Variants in CTIF observed in about 807,000 individuals in gnomAD.
The protein encoded by CTIF is CBP80/20-dependent translation initiation factor.
A neutral mutation model predicts 66.0 loss-of-function variants in CTIF; 21 were observed. The ratio of observed to expected loss-of-function variants is 0.32; its 90% CI spans 0.23 to 0.46. CTIF has a LOEUF of 0.46. Among genes scored for constraint, CTIF ranks in the 20% least tolerant of loss-of-function variants. CTIF has a pLI of 1.00. For missense variants in CTIF, 739 were observed against 812.7 expected, an observed-to-expected ratio of 0.91 and a Z score of 1.10; for synonymous variants, 345 against 326.4, an observed-to-expected ratio of 1.06 and a Z score of -0.62.
intron 10 of CTIF, among the ~76,000 whole-genome samples, chr18:48,823,891 A>G (rs2068531342): frequency 6.6e-6 from 1 of 152,146 alleles, no homozygotes; most frequent in African/African-American, 2.4e-5. Flanking sequence ...AAAGGAAATA[A>G]AAAGCATCCA....
intron 7 of CTIF, among the ~76,000 whole-genome samples, chr18:48,715,916 G>A (rs1794522084): frequency 1.3e-5 from 2 of 152,334 alleles, no homozygotes; most frequent in Middle Eastern, 3.4e-3. Context: ...GCTGTCCCAA[G>A]ATGGGGTAAA....
chr18:48,830,071 G>A (rs755668416), intron 10 of CTIF, among the ~76,000 whole-genome samples: 3 of 152,226 alleles, frequency 2.0e-5, no homozygotes, highest in Non-Finnish European at 4.4e-5. Flanking sequence ...GGAAGAGGAG[G>A]GGAATGCTAG....
chr18:48,668,258 G>A (rs1294228773), intron 5 of CTIF, among the ~76,000 whole-genome samples: 2 of 152,244 alleles, frequency 1.3e-5, no homozygotes, highest in Non-Finnish European at 1.5e-5. Context: ...CAGTGCATGC[G>A]AGAGAGTCCT....
intron 10 of CTIF, among the ~76,000 whole-genome samples, chr18:48,821,202 G>T (rs1260648648): frequency 1.3e-5 from 2 of 152,356 alleles, no homozygotes; most frequent in East Asian, 1.9e-4. Flanking sequence ...GGACCTGGAA[G>T]TGTCCTCTGT....
chr18:48,633,575 A>G (rs1195309960), intron 2 of CTIF, among the ~76,000 whole-genome samples: 9 of 151,874 alleles, frequency 5.9e-5, no homozygotes, highest in Admixed American at 5.9e-4. Context: ...GGTGGCGGGC[A>G]CCTGTAATCC....
intron 7 of CTIF, among the ~76,000 whole-genome samples, chr18:48,718,446 G>A (rs1255215491): frequency 1.3e-5 from 2 of 152,170 alleles, no homozygotes; most frequent in Non-Finnish European, 2.9e-5. Flanking sequence ...AGCCAGTGGT[G>A]TAATCAACCC....
intron 7 of CTIF, among the ~76,000 whole-genome samples, chr18:48,755,305 C>T (rs7234113): frequency 0.16 from 23,606 of 152,202 alleles, 1,991 homozygotes; most frequent in African/African-American, 0.17. Context: ...CAAAAAGTCA[C>T]AGGCACGAGG....
chr18:48,547,459 G>A (rs1390018207), intron 1 of CTIF, among the ~76,000 whole-genome samples: 1 of 152,162 alleles, frequency 6.6e-6, no homozygotes, highest in African/African-American at 2.4e-5. Context: ...CATCTTAGAG[G>A]TCATCTGGTC....
At chr18:48,775,797 G>A (rs1910612296) in intron 9 of CTIF, among the ~76,000 whole-genome samples, 1 of 152,234 alleles carries the variant, frequency 6.6e-6, no homozygotes, top group African/African-American at 2.4e-5. Flanking sequence ...TCTGTAAGTG[G>A]CAGGACCCTT....
intron 9 of CTIF, among the ~76,000 whole-genome samples, chr18:48,763,332 C>T (rs1342113763): frequency 6.6e-6 from 1 of 152,234 alleles, no homozygotes; most frequent in Non-Finnish European, 1.5e-5. Flanking sequence ...CATCTCAGAT[C>T]GGGTATTTCT....
At chr18:48,831,749 T>C (rs1171065592) in intron 10 of CTIF, among the ~76,000 whole-genome samples, 3 of 152,260 alleles carry the variant, frequency 2.0e-5, no homozygotes, top group African/African-American at 7.2e-5. Context: ...TTATGCTGTC[T>C]AATATATCCA....
chr18:48,741,029 C>G (rs929439766), intron 7 of CTIF, among the ~76,000 whole-genome samples: 1 of 152,244 alleles, frequency 6.6e-6, no homozygotes, highest in Non-Finnish European at 1.5e-5. Context: ...AATAATGCCA[C>G]TGTCTACCCC....
At chr18:48,739,112 G>A (rs1367609502) in intron 7 of CTIF, among the ~76,000 whole-genome samples, 1 of 152,068 alleles carries the variant, frequency 6.6e-6, no homozygotes, top group African/African-American at 2.4e-5. Flanking sequence ...CACCTCCCAG[G>A]GCCTGTGACA....
intron 1 of CTIF, among the ~76,000 whole-genome samples, chr18:48,583,663 T>A (rs771432326): frequency 6.6e-6 from 1 of 152,126 alleles, no homozygotes. Context: ...ATGCTGGGCA[T>A]ATGAGCAGGG....
At chr18:48,586,047 C>T (rs1162793391) in intron 1 of CTIF, among the ~76,000 whole-genome samples, 1 of 152,100 alleles carries the variant, frequency 6.6e-6, no homozygotes, top group South Asian at 2.1e-4. Context: ...GGATGCCTGT[C>T]GCAGGGGTGG....
intron 1 of CTIF, among the ~76,000 whole-genome samples, chr18:48,575,963 T>C (rs1187812216): frequency 6.6e-6 from 1 of 152,238 alleles, no homozygotes; most frequent in East Asian, 1.9e-4. Context: ...CAAACATTTG[T>C]GGAGACCCAC....
At chr18:48,811,328 A>G (rs1397670380) in intron 9 of CTIF, among the ~76,000 whole-genome samples, 1 of 151,820 alleles carries the variant, frequency 6.6e-6, no homozygotes, top group East Asian at 1.9e-4. Flanking sequence ...TGTTTCTTCT[A>G]TACCATGGTT....
intron 7 of CTIF, 133 bp downstream of exon 7, chr18:48,711,828 G>C (rs566560170): frequency 1.4e-6 from 1 of 737,722 alleles, no homozygotes; most frequent in Non-Finnish European, 2.3e-6. Flanking sequence ...TGGTGGCATC[G>C]TGGGTTGGTT....
intron 9 of CTIF, among the ~76,000 whole-genome samples, chr18:48,767,453 G>A (rs1437310736): frequency 6.6e-6 from 1 of 152,128 alleles, no homozygotes; most frequent in Non-Finnish European, 1.5e-5. Flanking sequence ...GCCCTCCTCT[G>A]TTGAAATGTG....
Sources: allele counts gnomAD v4.1 joint callset (sites outside exome capture counted in the v4.1 genomes callset), GRCh38; gene constraint gnomAD v4.1.1; transcripts MANE v1.5; gene names NCBI Gene and HGNC (gene_info 2026-07-23, HGNC 2026-07-21).